Variants in GANC observed in about 807,000 individuals in gnomAD.
The protein encoded by GANC is neutral alpha-glucosidase C.
Under a neutral mutation model 124.2 loss-of-function variants are expected in GANC, and 117 were observed. The ratio of observed to expected loss-of-function variants is 0.94; its 90% CI spans 0.81 to 1.10. The LOEUF is 1.10. GANC is among the 50% of genes least tolerant of loss of function. The pLI is 0.00. For synonymous variants in GANC, 377 were observed against 376.8 expected (o/e 1.00, Z -0.01); for missense variants, 1,140 against 1,095.0 (o/e 1.04, Z -0.58).
intron 4 of GANC, among the ~76,000 whole-genome samples, chr15:42,290,718 G>A (rs1305779198): frequency 6.6e-6 from 1 of 152,122 alleles, no homozygotes; most frequent in African/African-American, 2.4e-5. Context: ...TGTGGTGAAA[G>A]GATCACTTGA....
intron 6 of GANC, among the ~76,000 whole-genome samples, chr15:42,298,424 T>C (rs1399530804): frequency 6.6e-6 from 1 of 152,126 alleles, no homozygotes; most frequent in African/African-American, 2.4e-5. Flanking sequence ...ATGGAATTGG[T>C]GAGACATCAT....
Position 42,287,738 on chromosome 15 carries a change from G to T in GANC, c.249G>T (p.Arg83Ser). ...EIYGIEGNIF[R>S]LKINEETPLK... ...ATGGTATAGAAGGAAACATTTTCAG[G>T]CTTAAAATTAATGAAGAGACTCCTC... The change falls in exon 4 of 24, where the codon AGG (arginine) becomes AGT (serine). Residue 83 changes from arginine to serine, a missense_variant. Physicochemically the swap from Arg to Ser is moderately radical, Grantham distance 110. Coordinates refer to ENST00000318010, the MANE Select transcript of GANC (RefSeq NM_198141.3). 3 of 1,612,980 alleles carry T rather than the reference G, an allele frequency of 1.9e-6. No homozygotes were observed. Among genetic ancestry groups the T allele is most frequent in the Non-Finnish European group, 8.5e-7 (1 of 1,179,306 alleles).
In GANC at chr15:42,326,334, C is replaced by T; in HGVS notation, c.1330C>T (p.Pro444Ser). 1.2e-6 allele frequency: 2 copies of T among 1,614,000 alleles called. No homozygotes were observed. The highest frequency in any genetic ancestry group is 1.7e-6 in the Non-Finnish European group (2 of 1,179,936). Reference sequence around the variant, plus strand: ...CAGTGATCCCCACATCAAGATTGATCCTGACTACTCAGTATATGTGAAGGC... The same window carrying T: ...CAGTGATCCCCACATCAAGATTGATTCTGACTACTCAGTATATGTGAAGGC... ...VISDPHIKID[P>S]DYSVYVKAKD... The change falls in exon 12 of 24, where the codon CCT (proline) becomes TCT (serine). Residue 444 changes from proline to serine, a missense_variant. By Grantham distance (74) the Pro-to-Ser change is moderately conservative (BLOSUM62 -1). Transcript: ENST00000318010.
rs111477839 is a variant in GANC at position 42,291,989 on chromosome 15, T to G, written c.330-746T>G. ...AGACATCATAAGAACATAAACTGTC[T>G]CTTTTTACCTTCCTGAAAGAGTCCT... On this transcript the variant is annotated intron_variant, in intron 4 of 23. Transcript: ENST00000318010. 8.1e-3 allele frequency among the ~76,000 whole-genome samples: 1,230 copies of G among 152,250 alleles called. 9 individuals carry two copies. Among genetic ancestry groups the G allele is most frequent in the Middle Eastern group, 0.037 (11 of 294 alleles).
Position 42,292,769 on chromosome 15 carries a change from A to C in GANC, c.364A>C (p.Ile122Leu), listed in dbSNP as rs371120476. The C allele has an allele frequency of 1.9e-6, 3 of 1,613,986 alleles. No homozygotes were observed. Among genetic ancestry groups the C allele is most frequent in the Non-Finnish European group, 2.5e-6 (3 of 1,179,988 alleles). Residue 122 changes from isoleucine to leucine, a missense_variant, in exon 5 of 24, where the codon ATA becomes CTA. By Grantham distance (5) the Ile-to-Leu change is conservative (BLOSUM62 2). Transcript: ENST00000318010. ...ATGCTCTGGGGACACAGGCAGTCTG[A>C]TATTGGCAGATGGAAAAGGAGACCT... ...ISCSGDTGSL[I>L]LADGKGDLKC... is the part of the protein sequence containing the mutation.
intron 23 of GANC, among the ~76,000 whole-genome samples, chr15:42,351,659 C>T (rs912687229): frequency 6.6e-6 from 1 of 152,122 alleles, no homozygotes; most frequent in Non-Finnish European, 1.5e-5. Context: ...TTATTTGGGG[C>T]TTGAAATAAT....
chr15:42,295,723 T>A (rs908961145), intron 5 of GANC, among the ~76,000 whole-genome samples: 1 of 151,232 alleles, frequency 6.6e-6, no homozygotes, highest in African/African-American at 2.4e-5. Context: ...GACTTCCAGT[T>A]TCCCGTCTGG....
At chr15:42,347,633 G>A (rs989612293) in intron 20 of GANC, among the ~76,000 whole-genome samples, 1 of 152,166 alleles carries the variant, frequency 6.6e-6, no homozygotes, top group African/African-American at 2.4e-5. Context: ...AAAGTCATCT[G>A]TCCAAACCAA....
Position 42,273,375 on chromosome 15 carries a change from C to A in GANC, c.-1107C>A. The A allele has an allele frequency of 6.2e-7, 1 of 1,614,072 alleles. No individual in the cohort carries two copies. Among genetic ancestry groups the A allele is most frequent in the Non-Finnish European group, 8.5e-7 (1 of 1,180,024 alleles). On this transcript the variant is annotated 5_prime_UTR_variant, in exon 1 of 24. The change creates a new upstream start codon in the 5' untranslated region. Transcript: ENST00000318010. ...GAAGCAGAAGAATGACAGGCAACAC[C>A]TGAAGCCACGCAGCCGCCGCCATCT...
intron 5 of GANC, among the ~76,000 whole-genome samples, chr15:42,293,633 A>G (rs1369816672): frequency 6.6e-6 from 1 of 151,476 alleles, no homozygotes; most frequent in Non-Finnish European, 1.5e-5. Flanking sequence ...AAAATTTAAA[A>G]TCCCCATAAT....
At chr15:42,326,480 A>T in intron 12 of GANC, 56 bp downstream of exon 12, 1 of 1,609,800 alleles carries the variant, frequency 6.2e-7, no homozygotes, top group Non-Finnish European at 8.5e-7. Flanking sequence ...CAATTAATGA[A>T]GGCTGCGTGG....
At position 42,353,410 on chromosome 15, in the gene GANC, C is replaced by T; in HGVS notation, c.*1271C>T. 4 of 967,802 alleles carry T rather than the reference C, an allele frequency of 4.1e-6. No individual in the cohort carries two copies. The highest frequency in any genetic ancestry group is 4.9e-6 in the Non-Finnish European group (4 of 813,540). 60.0% of individuals were successfully genotyped at this position (967,802 alleles called of 1,614,324 possible). On this transcript the variant is annotated 3_prime_UTR_variant, in exon 24 of 24. Transcript: ENST00000318010. ...CTAACTGCGTGAACACCCCTACCCC[C>T]ATACCCATTAGCAGTGATTTTGCCC...
intron 23 of GANC, 94 bp downstream of exon 23, chr15:42,351,526 T>C: frequency 1.2e-6 from 1 of 845,032 alleles, no homozygotes; most frequent in South Asian, 1.5e-5. Flanking sequence ...GATAATATGC[T>C]GAGCCTGAGT....
chr15:42,316,794 C>T (rs1222401184), intron 10 of GANC, among the ~76,000 whole-genome samples: 3 of 152,164 alleles, frequency 2.0e-5, no homozygotes, highest in African/African-American at 7.2e-5. Context: ...CGGGGCCTTC[C>T]CAGGTACTGG....
At chr15:42,287,902 C>T in intron 4 of GANC, 84 bp downstream of exon 4, 3 of 1,430,290 alleles carry the variant, frequency 2.1e-6, no homozygotes, top group African/African-American at 1.5e-5. Context: ...GTTATGTGCA[C>T]TTCTTATTTT....
chr15:42,286,225 C>G (rs2051786738), intron 3 of GANC, among the ~76,000 whole-genome samples: 1 of 152,160 alleles, frequency 6.6e-6, no homozygotes, highest in African/African-American at 2.4e-5. Flanking sequence ...GAACTTCTAA[C>G]CCTACAGTCA....
At chr15:42,340,871 A>AT in intron 18 of GANC, 117 bp downstream of exon 18, 1 of 758,130 alleles carries the variant, frequency 1.3e-6, no homozygotes, top group South Asian at 1.7e-5. Flanking sequence ...GTTTCAAGAA[A>AT]TTGTCTGCCT....
rs149200775 is a variant in GANC at position 42,309,638 on chromosome 15, C to T, written c.723-645C>T. Among the ~76,000 whole-genome samples the T allele has an allele frequency of 2.9e-4, 44 of 151,700 alleles. No homozygotes were observed. The East Asian group carries it at 5.5e-3, about 19-fold the overall frequency. ...CCAGCCTGGACACAATTCTTTTAAC[C>T]GCAGAGAAGTACTCACAAAATTCAT... On this transcript the variant is annotated intron_variant, in intron 8 of 23. Coordinates refer to ENST00000318010, the MANE Select transcript of GANC (RefSeq NM_198141.3).
At chr15:42,343,451 A>C in intron 19 of GANC, 1 of 347,288 alleles carries the variant, frequency 2.9e-6, no homozygotes, top group Non-Finnish European at 5.4e-6. Context: ...GGGTAGGAAG[A>C]AATCTTCAGT....
Sources: gnomAD v4.1 joint callset for allele counts (sites outside exome capture counted in the v4.1 genomes callset) on GRCh38, gnomAD v4.1.1 for gene constraint, MANE v1.5 for transcripts, NCBI Gene and HGNC (gene_info 2026-07-23, HGNC 2026-07-21) for gene names.